The following GABRB3 variants were observed in gnomAD, a reference collection of about 807,000 sequenced individuals.
GABRB3 encodes the protein gamma-aminobutyric acid receptor subunit beta-3.
GABRB3 carries 14 observed loss-of-function variants against 52.1 expected under a neutral mutation model. The observed-to-expected ratio is 0.27, with a 90% CI of 0.18 to 0.42. The LOEUF (loss-of-function observed/expected upper bound fraction) is 0.42, where lower values mean the gene tolerates loss of function less well. Among genes scored for constraint, GABRB3 ranks in the 10% least tolerant of loss-of-function variants. GABRB3 has a pLI of 1.00. For synonymous variants in GABRB3, 260 were observed against 232.3 expected (o/e 1.12, Z -1.08); for missense variants, 307 against 609.1 (o/e 0.50, Z 5.22).
At chr15:26,687,812 A>C (rs933134948) in intron 3 of GABRB3, among the ~76,000 whole-genome samples, 4 of 152,236 alleles carry the variant, frequency 2.6e-5, no homozygotes, top group Admixed American at 6.5e-5. Flanking sequence ...TTCTGTGATG[A>C]ATGTTCTTTT....
At chr15:26,627,106 G>A (rs1001416554) in intron 3 of GABRB3, among the ~76,000 whole-genome samples, 1 of 152,098 alleles carries the variant, frequency 6.6e-6, no homozygotes, top group Non-Finnish European at 1.5e-5. Flanking sequence ...TAAGAATTCT[G>A]CTAATCTACT....
At chr15:26,577,737 G>C (rs753817099) in intron 6 of GABRB3, among the ~76,000 whole-genome samples, 2 of 152,164 alleles carry the variant, frequency 1.3e-5, no homozygotes, top group Non-Finnish European at 2.9e-5. Flanking sequence ...CTACCGCCTG[G>C]TGACATCATA....
intron 3 of GABRB3, among the ~76,000 whole-genome samples, chr15:26,687,794 A>G (rs971815011): frequency 3.3e-4 from 51 of 152,340 alleles, no homozygotes; most frequent in African/African-American, 1.2e-3. Flanking sequence ...GAAAGTTTTA[A>G]TAAGTACTTC....
chr15:26,716,614 A>G, intron 3 of GABRB3: 1 of 991,498 alleles, frequency 1.0e-6, no homozygotes, highest in Non-Finnish European at 1.2e-6. Flanking sequence ...ACTTACTTAC[A>G]TCTCCTTAGA....
chr15:26,683,004 G>GCAGC (rs1379933896), intron 3 of GABRB3, among the ~76,000 whole-genome samples: 1 of 152,126 alleles, frequency 6.6e-6, no homozygotes, highest in Admixed American at 6.5e-5. Flanking sequence ...ACTGCCCCCA[G>GCAGC]CAGCCGGCTC....
intron 3 of GABRB3, among the ~76,000 whole-genome samples, chr15:26,758,407 A>C (rs992258770): frequency 1.8e-4 from 27 of 152,308 alleles, no homozygotes; most frequent in African/African-American, 6.3e-4. Flanking sequence ...AATTTTCCTT[A>C]ATTATTTTAG....
intron 3 of GABRB3, chr15:26,716,579 T>C (rs1889473959): frequency 1.0e-6 from 1 of 992,768 alleles, no homozygotes; most frequent in African/African-American, 1.7e-5. Context: ...TCTCACAGCC[T>C]GCCTCACATC....
chr15:26,676,483 C>T (rs573549048), intron 3 of GABRB3, among the ~76,000 whole-genome samples: 14 of 152,162 alleles, frequency 9.2e-5, no homozygotes, highest in Non-Finnish European at 1.3e-4. Context: ...AGGCACTGCA[C>T]TTGTGTGTGT....
At chr15:26,709,537 T>TTTTTTTA (rs1889223289) in intron 3 of GABRB3, among the ~76,000 whole-genome samples, 1 of 102,652 alleles carries the variant, frequency 9.7e-6, no homozygotes, top group Non-Finnish European at 2.2e-5. Context: ...TTTTTTTTTT[T>TTTTTTTA]GAGACAGTCT....
At chr15:26,615,430 A>C in intron 4 of GABRB3, 1 of 986,370 alleles carries the variant, frequency 1.0e-6, no homozygotes, top group African/African-American at 1.7e-5. Context: ...AGCTGGTAAG[A>C]AGAGCAAGCT....
At chr15:26,629,087 G>C in intron 3 of GABRB3, 2 of 1,535,932 alleles carry the variant, frequency 1.3e-6, no homozygotes, top group Non-Finnish European at 1.7e-6. Flanking sequence ...CGGAAGTTGT[G>C]ACTGTCGCTT....
At chr15:26,685,494 C>G (rs1392286608) in intron 3 of GABRB3, among the ~76,000 whole-genome samples, 1 of 152,060 alleles carries the variant, frequency 6.6e-6, no homozygotes, top group Non-Finnish European at 1.5e-5. Context: ...AAATACTTCA[C>G]CAAGCATTTG....
At chr15:26,692,543 A>T (rs1888619285) in intron 3 of GABRB3, among the ~76,000 whole-genome samples, 1 of 151,990 alleles carries the variant, frequency 6.6e-6, no homozygotes, top group South Asian at 2.1e-4. Flanking sequence ...AAGTATTTTG[A>T]CTCTAGCTTG....
intron 8 of GABRB3, chr15:26,557,726 G>A (rs752033880): frequency 6.6e-6 from 1 of 152,124 alleles, no homozygotes; most frequent in Non-Finnish European, 1.5e-5. Flanking sequence ...TCTTAACCAT[G>A]TAAACATATA....
chr15:26,695,272 A>C (rs950956568), intron 3 of GABRB3, among the ~76,000 whole-genome samples: 2 of 152,164 alleles, frequency 1.3e-5, no homozygotes, highest in African/African-American at 4.8e-5. Context: ...GAAAGTCAGA[A>C]GGAAAAAACA....
intron 8 of GABRB3, among the ~76,000 whole-genome samples, chr15:26,549,516 G>A (rs1889381019): frequency 6.6e-6 from 1 of 152,106 alleles, no homozygotes; most frequent in Non-Finnish European, 1.5e-5. Context: ...CAGGGTAATG[G>A]CCCCCAGGGA....
intron 3 of GABRB3, among the ~76,000 whole-genome samples, chr15:26,686,295 C>T (rs1888403403): frequency 6.6e-6 from 1 of 152,064 alleles, no homozygotes; most frequent in South Asian, 2.1e-4. Flanking sequence ...ATAAAAATGA[C>T]CACCAACTAT....
intron 3 of GABRB3, among the ~76,000 whole-genome samples, chr15:26,769,791 CCT>C (rs1891097670): frequency 6.6e-6 from 1 of 152,136 alleles, no homozygotes; most frequent in African/African-American, 2.4e-5. Flanking sequence ...GTTCTGTGTG[CCT>C]CTGTCACTTG....
At chr15:26,631,661 A>G (rs1480258010) in intron 3 of GABRB3, among the ~76,000 whole-genome samples, 2 of 152,206 alleles carry the variant, frequency 1.3e-5, no homozygotes, top group East Asian at 1.9e-4. Context: ...TCATTCCTAC[A>G]AGGAAGGTTA....
Sources: allele counts gnomAD v4.1 joint callset (sites outside exome capture counted in the v4.1 genomes callset), GRCh38; gene constraint gnomAD v4.1.1; transcripts MANE v1.5; gene names NCBI Gene and HGNC (gene_info 2026-07-23, HGNC 2026-07-21).